Variants in MRPS28 observed in about 807,000 individuals in gnomAD.
The protein encoded by MRPS28 is mitochondrial ribosomal protein S28.
Under a neutral mutation model 10.8 loss-of-function variants are expected in MRPS28, and 7 were observed. The ratio of observed to expected loss-of-function variants is 0.65; its 90% CI spans 0.37 to 1.22. The LOEUF (loss-of-function observed/expected upper bound fraction) is 1.22, where lower values mean the gene tolerates loss of function less well. Ranked by LOEUF, MRPS28 falls within the 50% of genes most tolerant of loss-of-function variation. The pLI, the probability that MRPS28 is intolerant of heterozygous loss-of-function variation, is 0.02. For missense variants in MRPS28, 265 were observed against 232.9 expected (o/e 1.14, Z -0.90); for synonymous variants, 121 against 93.3 (o/e 1.30, Z -1.71).
At chr8:79,962,057 T>C (rs1246502347) in intron 2 of MRPS28, among the ~76,000 whole-genome samples, 1 of 152,116 alleles carries the variant, frequency 6.6e-6, no homozygotes, top group African/African-American at 2.4e-5. Flanking sequence ...AGGTAGAACA[T>C]ATTTAATACT....
chr8:80,002,140 C>T (rs928602503), intron 2 of MRPS28, among the ~76,000 whole-genome samples: 2 of 152,190 alleles, frequency 1.3e-5, no homozygotes, highest in East Asian at 1.9e-4. Flanking sequence ...AGAGGCAACT[C>T]GTTCTCATAA....
chr8:79,974,185 C>T lies in MRPS28; in HGVS notation c.395+28814G>A, dbSNP rs111815577. ...GCTGATGAACTTTTTGACAGTACACCGAAGAAAGAACAGTTTATATCATAA... is the reference window on the plus strand; with the variant it reads ...GCTGATGAACTTTTTGACAGTACACTGAAGAAAGAACAGTTTATATCATAA... On this transcript the variant is annotated intron_variant, in intron 2 of 2. Transcript: ENST00000276585. Among the ~76,000 whole-genome samples, 1,143 of 152,066 alleles carry T rather than the reference C, an allele frequency of 7.5e-3. 18 individuals carry two copies. Among genetic ancestry groups the T allele is most frequent in the Middle Eastern group, 0.014 (4 of 294 alleles).
chr8:79,946,124 C>T (rs1417104267), intron 2 of MRPS28, among the ~76,000 whole-genome samples: 2 of 152,088 alleles, frequency 1.3e-5, no homozygotes, highest in East Asian at 1.9e-4. Context: ...ATATAAAATA[C>T]CAATTCCATT....
chr8:80,007,359 T>C lies in MRPS28; in HGVS notation c.214-4179A>G, dbSNP rs1586092687. Among the ~76,000 whole-genome samples, 4 of 152,228 alleles carry C rather than the reference T, an allele frequency of 2.6e-5. No homozygotes were observed. In the East Asian group the frequency reaches 5.8e-4, roughly 22 times the overall value. On this transcript the variant is annotated intron_variant, in intron 1 of 2. Coordinates refer to ENST00000276585, the MANE Select transcript of MRPS28 (RefSeq NM_014018.3). ...TGGAAGCATTCCCTTTAAAAACTGG[T>C]GCAAGAAAGGGATGCCCTCTCTCAC...
Position 80,030,016 on chromosome 8 carries a change from C to CT in MRPS28, c.213+19dup, listed in dbSNP as rs769889685. The CT allele has an allele frequency of 1.9e-6, 3 of 1,603,348 alleles. No individual in the cohort carries two copies. The South Asian group carries it at 3.3e-5, about 18-fold the overall frequency. On this transcript the variant is annotated intron_variant, in intron 1 of 2. Transcript: ENST00000276585. ...GTTGGCGTAATTCCCGCGACTCCCT[C>CT]TCACCCGCCCGGGCTCCACCTTCTG...
intron 2 of MRPS28, among the ~76,000 whole-genome samples, chr8:79,933,616 A>T (rs946293270): frequency 3.3e-5 from 5 of 152,224 alleles, no homozygotes; most frequent in Non-Finnish European, 7.3e-5. Flanking sequence ...AAAAGAAGTC[A>T]GTGATCTTAA....
intron 2 of MRPS28, among the ~76,000 whole-genome samples, chr8:79,919,712 C>G (rs1011122210): frequency 6.6e-6 from 1 of 152,166 alleles, no homozygotes; most frequent in East Asian, 1.9e-4. Context: ...GTTCTTAAAA[C>G]TGGTGTTTGC....
At chr8:80,011,290 T>A (rs1325072788) in intron 1 of MRPS28, among the ~76,000 whole-genome samples, 2 of 151,984 alleles carry the variant, frequency 1.3e-5, no homozygotes, top group Non-Finnish European at 2.9e-5. Context: ...GGTCTCTGCT[T>A]GTAACCAGGG....
chr8:79,927,683 G>A (rs1350131585), intron 2 of MRPS28, among the ~76,000 whole-genome samples: 2 of 152,174 alleles, frequency 1.3e-5, no homozygotes, highest in African/African-American at 2.4e-5. Flanking sequence ...AAGATGGAGG[G>A]AAAAGTCGTA....
chr8:80,000,118 C>T (rs1808620958), intron 2 of MRPS28, among the ~76,000 whole-genome samples: 1 of 152,224 alleles, frequency 6.6e-6, no homozygotes, highest in Non-Finnish European at 1.5e-5. Flanking sequence ...GTCTTTACAA[C>T]AGTACCTGGC....
chr8:79,947,537 C>T (rs1416836777), intron 2 of MRPS28, among the ~76,000 whole-genome samples: 1 of 151,634 alleles, frequency 6.6e-6, no homozygotes. Flanking sequence ...CTAATCATCT[C>T]TCCACTTATT....
chr8:80,016,773 T>C (rs372453916), intron 1 of MRPS28, among the ~76,000 whole-genome samples: 2 of 152,196 alleles, frequency 1.3e-5, no homozygotes, highest in African/African-American at 4.8e-5. Context: ...ATCCTTAATG[T>C]GTACATGCCT....
In MRPS28 at chr8:79,997,100, C is replaced by G. The variant is rs1299435384; in HGVS notation, c.395+5899G>C. Among the ~76,000 whole-genome samples the G allele has an allele frequency of 2.0e-5, 3 of 152,130 alleles. No individual in the cohort carries two copies. In the East Asian group the frequency reaches 5.8e-4, roughly 29 times the overall value. On this transcript the variant is annotated intron_variant, in intron 2 of 2. Transcript: ENST00000276585. Reference sequence around the variant, plus strand: ...GCTGTTAAGATTATCAGAAGGAAATCAGATGGAATATAGAAAGGAAACAAT... The same window carrying G: ...GCTGTTAAGATTATCAGAAGGAAATGAGATGGAATATAGAAAGGAAACAAT...
At chr8:80,012,824 C>T (rs1296416449) in intron 1 of MRPS28, among the ~76,000 whole-genome samples, 1 of 152,120 alleles carries the variant, frequency 6.6e-6, no homozygotes, top group African/African-American at 2.4e-5. Context: ...CATGTGTTGT[C>T]TTTTTAATAT....
rs545942667 is a variant in MRPS28 at position 79,962,818 on chromosome 8, T to C, written c.395+40181A>G. ...TTTACTAGTATAAAAGTGATTCTTC[T>C]CCACAGGACATTTAGAATGTGATGT... On this transcript the variant is annotated intron_variant, in intron 2 of 2. Transcript: ENST00000276585. Among the ~76,000 whole-genome samples the C allele has an allele frequency of 7.9e-5, 12 of 152,254 alleles. No individual in the cohort carries two copies. The East Asian group carries it at 2.3e-3, about 29-fold the overall frequency.
At chr8:80,029,286 C>T (rs1467578637) in intron 1 of MRPS28, among the ~76,000 whole-genome samples, 4 of 152,168 alleles carry the variant, frequency 2.6e-5, no homozygotes, top group African/African-American at 9.7e-5. Context: ...CAGGACACTG[C>T]CAGTCTTGTG....
In MRPS28 at chr8:80,003,188, T is replaced by G. The variant is rs201384563; in HGVS notation, c.214-8A>C. ...CACATTTTTTGGAGAACCCTAAATATGAAAAGAGATATTTATATACATATA... is the reference window on the plus strand; with the variant it reads ...CACATTTTTTGGAGAACCCTAAATAGGAAAAGAGATATTTATATACATATA... On this transcript the variant is annotated splice_region_variant and splice_polypyrimidine_tract_variant and intron_variant, in intron 1 of 2. Transcript: ENST00000276585. 7.1e-6 allele frequency: 11 copies of G among 1,558,912 alleles called. No individual in the cohort carries two copies. In the East Asian group the frequency reaches 2.3e-4, roughly 32 times the overall value.
chr8:80,028,800 C>CA lies in MRPS28; in HGVS notation c.213+1235dup, dbSNP rs759560310. 4.3e-3 allele frequency: 644 copies of CA among 151,226 alleles called. 2 individuals carry two copies. The highest frequency in any genetic ancestry group is 0.011 in the African/African-American group (448 of 40,702). The allele number at this position is 151,226 out of a possible 1,614,324, so 9.4% of individuals were successfully genotyped here. A position where few individuals can be genotyped will look rare whatever the true frequency, so the allele number is the denominator to read the frequency against. On this transcript the variant is annotated intron_variant, in intron 1 of 2. Transcript: ENST00000276585. Reference sequence around the variant, plus strand: ...GCAACATGGCAAAACCCCATCTCTACAAAAAAAAACAGAAAAAACAATTAG... The same window carrying CA: ...GCAACATGGCAAAACCCCATCTCTACAAAAAAAAAACAGAAAAAACAATTAG...
At chr8:79,968,869 A>G (rs1483569247) in intron 2 of MRPS28, among the ~76,000 whole-genome samples, 1 of 152,204 alleles carries the variant, frequency 6.6e-6, no homozygotes, top group Non-Finnish European at 1.5e-5. Flanking sequence ...CTAGATTGCA[A>G]ATGTTTGAAT....
Sources: gnomAD v4.1 joint callset for allele counts (sites outside exome capture counted in the v4.1 genomes callset) on GRCh38, gnomAD v4.1.1 for gene constraint, MANE v1.5 for transcripts, NCBI Gene and HGNC (gene_info 2026-07-23, HGNC 2026-07-21) for gene names.